KANK2: variants seen among roughly 807,000 people sequenced by gnomAD.
KANK2 encodes KN motif and ankyrin repeat domain-containing protein 2.
Under a neutral mutation model 74.6 loss-of-function variants are expected in KANK2, and 41 were observed. That is an observed-to-expected ratio of 0.55 (90% confidence interval 0.43 to 0.71). KANK2 has a LOEUF of 0.71. KANK2 is among the 30% of genes least tolerant of loss of function. The probability of loss-of-function intolerance (pLI) is 0.00; values close to 1 mark genes in which losing one functional copy is unlikely to be tolerated. For missense variants in KANK2, 1,148 were observed against 1,196.4 expected, an observed-to-expected ratio of 0.96 and a Z score of 0.60; for synonymous variants, 537 against 519.0, an observed-to-expected ratio of 1.03 and a Z score of -0.47.
Position 11,178,697 on chromosome 19 carries a change from A to G in KANK2, c.1273T>C (p.Ser425Pro). 6.5e-7 allele frequency: 1 copy of G among 1,536,870 alleles called. No individual in the cohort carries two copies. The highest frequency in any genetic ancestry group is 8.7e-7 in the Non-Finnish European group (1 of 1,147,308). Reference sequence around the variant, plus strand: ...TCGGACCCCGGGGGTGACGAAGACGATTCGGCAGGAACTTCTGGGAGGCCT... The same window carrying G: ...TCGGACCCCGGGGGTGACGAAGACGGTTCGGCAGGAACTTCTGGGAGGCCT... The part of the protein sequence containing the change: ...AAGLPEVPAE[S>P]SSSPPGSEVA... Residue 425 changes from serine (S) to proline (P), a missense_variant, in exon 5 of 13, where the codon TCG becomes CCG. Transcript: ENST00000586659.
chr19:11,193,063 C>T lies in KANK2; in HGVS notation c.1017G>A (p.Val339=). 6.2e-7 allele frequency: 1 copy of T among 1,610,792 alleles called. No individual in the cohort carries two copies. Among genetic ancestry groups the T allele is most frequent in the Non-Finnish European group, 8.5e-7 (1 of 1,178,654 alleles). ...TVRVVEGPRE[V]EVVASTAAGA... Reference sequence around the variant, plus strand: ...CAGCGGCTGTGCTGGCCACCACCTCCACCTCCCGTGGCCCTTCTACCACCC... The same window carrying T: ...CAGCGGCTGTGCTGGCCACCACCTCTACCTCCCGTGGCCCTTCTACCACCC... Residue 339 remains valine, a synonymous_variant, in exon 4 of 13, where the codon GTG becomes GTA. Transcript: ENST00000586659. The surrounding 1 kb of genome is among the most constrained non-coding windows in gnomAD (Gnocchi z 9.6).
chr19:11,189,098 T>C (rs1332680448), intron 4 of KANK2, among the ~76,000 whole-genome samples: 7 of 126,564 alleles, frequency 5.5e-5, no homozygotes, highest in South Asian at 2.6e-4. Context: ...ATTGATTCTC[T>C]CCCCCCCCAC....
rs757494438 is a variant in KANK2, at chr19:11,193,093, T to C, written c.987A>G (p.Thr329=). The part of the protein sequence containing the change: ...PPPDSPVRVD[T]VRVVEGPREV... Reference sequence around the variant, plus strand: ...CCCGTGGCCCTTCTACCACCCGGACTGTATCCACGCGGACCGGGCTGTCCG... The same window carrying C: ...CCCGTGGCCCTTCTACCACCCGGACCGTATCCACGCGGACCGGGCTGTCCG... The change falls in exon 4 of 13, where the codon ACA becomes ACG. Residue 329 remains threonine, a synonymous_variant. Coordinates refer to ENST00000586659, the MANE Select transcript of KANK2 (RefSeq NM_001136191.3). This position sits in a 1 kb window ranked among gnomAD's most constrained non-coding sequence, Gnocchi z 9.6. 3.2e-5 allele frequency: 51 copies of C among 1,608,740 alleles called. 1 individual carries two copies. In the South Asian group the frequency reaches 5.3e-4, roughly 17 times the overall value.
At chr19:11,191,425 C>A (rs908760022) in intron 4 of KANK2, among the ~76,000 whole-genome samples, 1 of 152,232 alleles carries the variant, frequency 6.6e-6, no homozygotes, top group Non-Finnish European at 1.5e-5. Flanking sequence ...CAGCCGGCAT[C>A]CCCTTTCCTG....
At chr19:11,173,818 GTGGTGTCTCACTCA>G (rs1253492135) in intron 9 of KANK2, among the ~76,000 whole-genome samples, 1 of 152,096 alleles carries the variant, frequency 6.6e-6, no homozygotes, top group East Asian at 1.9e-4. Context: ...GACTGGGAAG[GTGGTGTCTCACTCA>G]TTAGACTAGG....
rs1305660696 is a variant in KANK2, at chr19:11,169,878, G to T, written c.2501C>A (p.Ser834Ter). ...MLYSRMNIKC[S>*]FAPMSDDESP... is the part of the protein sequence containing the mutation. ...CTACCCGGCCGGATTGAGACTCACCGAGCACTTGATGTTCATGCGGGAATA... is the reference window on the plus strand; with the variant it reads ...CTACCCGGCCGGATTGAGACTCACCTAGCACTTGATGTTCATGCGGGAATA... Residue 834 changes from serine to a stop codon, truncating the protein, a stop_gained and splice_region_variant, in exon 12 of 13, where the codon TCG becomes TAG. Coordinates refer to ENST00000586659, the MANE Select transcript of KANK2 (RefSeq NM_001136191.3). LOFTEE classifies it high-confidence loss of function. 6.2e-7 allele frequency: 1 copy of T among 1,613,112 alleles called. No homozygotes were observed. The highest frequency in any genetic ancestry group is 8.5e-7 in the Non-Finnish European group (1 of 1,179,254).
chr19:11,167,865 C>G (rs1048658845), intron 12 of KANK2, among the ~76,000 whole-genome samples: 3 of 152,020 alleles, frequency 2.0e-5, no homozygotes, highest in African/African-American at 7.2e-5. Flanking sequence ...ACCCCTGCCT[C>G]AGGGCCTTTG....
Position 11,176,028 on chromosome 19 carries a change from C to T in KANK2, c.1761-39G>A, listed in dbSNP as rs184594491. 6.4e-4 allele frequency: 980 copies of T among 1,521,830 alleles called. 5 individuals carry two copies. In the Admixed American group the frequency reaches 0.011, roughly 16 times the overall value. The allele number at this position is 1,521,830 out of a possible 1,614,324, so 94.3% of individuals were successfully genotyped here. A position where few individuals can be genotyped will look rare whatever the true frequency, so the allele number is the denominator to read the frequency against. On this transcript the variant is annotated intron_variant, in intron 7 of 12. Transcript: ENST00000586659. ...ACAAAGCGGGGAACTAAGTAAGCCCCGCTGCGGTGCCTGGGAAGGGACTTG... is the reference window on the plus strand; with the variant it reads ...ACAAAGCGGGGAACTAAGTAAGCCCTGCTGCGGTGCCTGGGAAGGGACTTG...
rs2078023236 is a variant in KANK2 at position 11,166,408 on chromosome 19, C to T, written c.*150G>A. ...GAGTCCTGTGGCCGTCGGGGCTCCCCCAGGGAAGCAGAGGGAGAGCTCGCT... is the reference window on the plus strand; with the variant it reads ...GAGTCCTGTGGCCGTCGGGGCTCCCTCAGGGAAGCAGAGGGAGAGCTCGCT... On this transcript the variant is annotated 3_prime_UTR_variant, in exon 13 of 13. Transcript: ENST00000586659. 1 of 696,328 alleles carries T rather than the reference C, an allele frequency of 1.4e-6. No individual in the cohort carries two copies. Among genetic ancestry groups the T allele is most frequent in the Non-Finnish European group, 2.4e-6 (1 of 409,424 alleles). The allele number at this position is 696,328 out of a possible 1,614,324, so 43.1% of individuals were successfully genotyped here. A position where few individuals can be genotyped will look rare whatever the true frequency, so the allele number is the denominator to read the frequency against.
chr19:11,197,833 G>A (rs1007531542), upstream of KANK2: 1 of 151,934 alleles, frequency 6.6e-6, no homozygotes, highest in South Asian at 2.1e-4. Context: ...GGGCCGCTGC[G>A]GGGGGCGGAA....
Position 11,194,499 on chromosome 19 carries a change from G to T in KANK2, c.13C>A (p.Leu5Met), listed in dbSNP as rs773109911. 1 of 1,612,834 alleles carries T rather than the reference G, an allele frequency of 6.2e-7. No individual in the cohort carries two copies. Among genetic ancestry groups the T allele is most frequent in the Non-Finnish European group, 8.5e-7 (1 of 1,179,504 alleles). Residue 5 changes from leucine to methionine, a missense_variant, in exon 3 of 13, where the codon CTG (leucine) becomes ATG (methionine). Leu to Met is a conservative substitution (Grantham distance 15, BLOSUM62 2). Coordinates refer to ENST00000586659, the MANE Select transcript of KANK2 (RefSeq NM_001136191.3). ...CCTGGGAAGGGAGCAGGCACGTGCA[G>T]GACCTGGGCCATCTTCTTTTCTACA... MAQVLHVPAPFPGTP... is the reference protein window; with the variant it reads MAQVMHVPAPFPGTP...
At chr19:11,175,864 C>CG (rs757508008) in intron 8 of KANK2, 38 bp downstream of exon 8, 1 of 1,548,172 alleles carries the variant, frequency 6.5e-7, no homozygotes, top group East Asian at 2.3e-5. Context: ...GGTAGGGGTC[C>CG]GGGGGGTGGC....
At chr19:11,181,060 C>G (rs1015261930) in intron 4 of KANK2, among the ~76,000 whole-genome samples, 4 of 116,150 alleles carry the variant, frequency 3.4e-5, no homozygotes, top group African/African-American at 1.4e-4. Flanking sequence ...GCACTCCAGC[C>G]TGGGGGATAG....
Position 11,170,055 on chromosome 19 carries a change from G to T in KANK2, c.2405C>A (p.Thr802Lys). The change falls in exon 11 of 13, where the codon ACA (threonine) becomes AAA (lysine). Residue 802 changes from threonine to lysine, a missense_variant. Coordinates refer to ENST00000586659, the MANE Select transcript of KANK2 (RefSeq NM_001136191.3). The surrounding 1 kb of genome is among the most constrained non-coding windows in gnomAD (Gnocchi z 5.2). The stretch of plus-strand genomic sequence containing the variant: ...ACCTGGTTGGAGACTCACGCGATCT[G>T]TGAGTGAGATGTCACAGCTGGGCAC... ...LAVPSCDISLTDRDGSTALMV... is the reference protein window; with the variant it reads ...LAVPSCDISLKDRDGSTALMV... 6.2e-7 allele frequency: 1 copy of T among 1,613,584 alleles called. No homozygotes were observed. The highest frequency in any genetic ancestry group is 8.5e-7 in the Non-Finnish European group (1 of 1,179,594).
At chr19:11,169,743 A>G in intron 12 of KANK2, 134 bp downstream of exon 12, 1 of 703,628 alleles carries the variant, frequency 1.4e-6, no homozygotes, top group South Asian at 1.8e-5. Flanking sequence ...GGAGGTTGCA[A>G]TGAGCCCAGA....
In KANK2 at chr19:11,173,055, G is replaced by A. The variant is rs749216928; in HGVS notation, c.2137C>T (p.Leu713=). 5 of 1,614,198 alleles carry A rather than the reference G, an allele frequency of 3.1e-6. No homozygotes were observed. The highest frequency in any genetic ancestry group is 4.2e-6 in the Non-Finnish European group (5 of 1,180,014). Residue 713 remains leucine (L), a synonymous_variant, in exon 10 of 13, where the codon CTG becomes TTG. Coordinates refer to ENST00000586659, the MANE Select transcript of KANK2 (RefSeq NM_001136191.3). ...SPIMLTALAT[L]KTQDDIETVL... is the part of the protein sequence containing the mutation. ...GTCTCGATGTCGTCCTGGGTCTTCAGGGTGGCCAGGGCGGTGAGCATAATA... is the reference window on the plus strand; with the variant it reads ...GTCTCGATGTCGTCCTGGGTCTTCAAGGTGGCCAGGGCGGTGAGCATAATA...
Position 11,178,562 on chromosome 19 carries a change from C to G in KANK2, c.1408G>C (p.Gly470Arg). 1 of 1,603,518 alleles carries G rather than the reference C, an allele frequency of 6.2e-7. No individual in the cohort carries two copies. The highest frequency in any genetic ancestry group is 8.5e-7 in the Non-Finnish European group (1 of 1,176,170). Residue 470 changes from glycine to arginine, a missense_variant, in exon 5 of 13, where the codon GGG becomes CGG. Coordinates refer to ENST00000586659, the MANE Select transcript of KANK2 (RefSeq NM_001136191.3). ...GCCACCCACCACTTACCGGTGCCCC[C>G]GGCCTCCTCGGACTCTTGGGAGGCT... ...QAASQESEEA[G>R]GTGGPPAGVR...
chr19:11,180,772 A>G (rs995804051), intron 4 of KANK2, among the ~76,000 whole-genome samples: 1 of 152,086 alleles, frequency 6.6e-6, no homozygotes, highest in African/African-American at 2.4e-5. Context: ...CTCTGCCCAA[A>G]ATGCAGGGCG....
intron 2 of KANK2, chr19:11,195,041 CAA>C (rs1448501007): frequency 1.3e-5 from 2 of 155,462 alleles, no homozygotes; most frequent in African/African-American, 4.8e-5. Flanking sequence ...CGCAGGGGGA[CAA>C]AGAGAGGCAA....
Sources: allele counts gnomAD v4.1 joint callset (sites outside exome capture counted in the v4.1 genomes callset), GRCh38; gene constraint gnomAD v4.1.1; non-coding constraint Gnocchi (gnomAD v3.1); transcripts MANE v1.5; gene names NCBI Gene and HGNC (gene_info 2026-07-23, HGNC 2026-07-21).